Variants in RAPGEF4 observed in about 807,000 individuals in gnomAD.
The protein encoded by RAPGEF4 is RAP guanine-nucleotide-exchange factor (GEF) 4.
RAPGEF4 carries 66 observed loss-of-function variants against 147.9 expected under a neutral mutation model. The observed-to-expected ratio is 0.45, with a 90% confidence interval of 0.37 to 0.55. The LOEUF (loss-of-function observed/expected upper bound fraction) is 0.55. Ranked by LOEUF, RAPGEF4 falls within the 20% of genes least tolerant of loss-of-function variation. RAPGEF4 has a pLI of 0.00. For missense variants in RAPGEF4, 1,071 were observed against 1,257.3 expected, an observed-to-expected ratio of 0.85 and a Z score of 2.24; for synonymous variants, 419 against 442.7, an observed-to-expected ratio of 0.95 and a Z score of 0.67.
intron 25 of RAPGEF4, among the ~76,000 whole-genome samples, chr2:173,028,834 A>T (rs1422530115): frequency 6.6e-6 from 1 of 152,226 alleles, no homozygotes; most frequent in Non-Finnish European, 1.5e-5. Context: ...ATTTGTTTTA[A>T]GCTCTTTGCC....
At chr2:172,992,805 G>A (rs1292667448) in intron 15 of RAPGEF4, among the ~76,000 whole-genome samples, 1 of 152,152 alleles carries the variant, frequency 6.6e-6, no homozygotes, top group Non-Finnish European at 1.5e-5. Flanking sequence ...AGAAATATCA[G>A]TGAGTACAAA....
At chr2:172,986,698 C>CT (rs72252062) in intron 12 of RAPGEF4, among the ~76,000 whole-genome samples, 11,201 of 100,302 alleles carry the variant, frequency 0.11, 796 homozygotes, top group East Asian at 0.46. Flanking sequence ...TTCATATTTT[C>CT]TTTTTTTTTT....
At chr2:172,978,810 A>AGTT (rs1307612863) in intron 10 of RAPGEF4, among the ~76,000 whole-genome samples, 1 of 152,198 alleles carries the variant, frequency 6.6e-6, no homozygotes, top group Non-Finnish European at 1.5e-5. Context: ...GTCTGCTGAT[A>AGTT]GTTCATCGTT....
rs752194000 is a variant in RAPGEF4 at position 172,965,691 on chromosome 2, G to A, written c.820+8G>A. ...ATGGTGTTCTCAACCACGGTAAGAT[G>A]AGCCCCAGTCCCTGGAAACCTCTCA... On this transcript the variant is annotated splice_region_variant and intron_variant, in intron 9 of 30. Transcript: ENST00000397081. 5 of 1,614,152 alleles carry A rather than the reference G, an allele frequency of 3.1e-6. No homozygotes were observed. The highest frequency in any genetic ancestry group is 2.2e-5 in the South Asian group (2 of 91,076).
At chr2:172,887,420 G>T (rs1465985585) in intron 4 of RAPGEF4, among the ~76,000 whole-genome samples, 1 of 152,112 alleles carries the variant, frequency 6.6e-6, no homozygotes, top group Non-Finnish European at 1.5e-5. Context: ...TCTCTAATCT[G>T]ATTTCCAAGG....
chr2:172,745,113 A>G (rs1444886413), intron 1 of RAPGEF4, among the ~76,000 whole-genome samples: 1 of 152,150 alleles, frequency 6.6e-6, no homozygotes, highest in Non-Finnish European at 1.5e-5. Context: ...CAAGTGAATT[A>G]AGAAACATTT....
intron 6 of RAPGEF4, among the ~76,000 whole-genome samples, chr2:172,924,667 A>G (rs1271608531): frequency 6.6e-6 from 1 of 152,252 alleles, no homozygotes; most frequent in Non-Finnish European, 1.5e-5. Context: ...CTAGAAAGAT[A>G]AAAAGAAGCT....
chr2:172,905,889 C>T (rs1376227641), intron 4 of RAPGEF4, among the ~76,000 whole-genome samples: 1 of 152,246 alleles, frequency 6.6e-6, no homozygotes, highest in Non-Finnish European at 1.5e-5. Flanking sequence ...AACAGAATAA[C>T]TTGCCTTAAG....
chr2:172,773,886 T>C (rs1404746185), intron 1 of RAPGEF4, among the ~76,000 whole-genome samples: 28 of 152,198 alleles, frequency 1.8e-4, no homozygotes, highest in Non-Finnish European at 4.4e-5. Context: ...GAATTGGCTC[T>C]GAATCCCTGG....
chr2:172,769,564 G>T (rs920954002), intron 1 of RAPGEF4, among the ~76,000 whole-genome samples: 1 of 152,090 alleles, frequency 6.6e-6, no homozygotes, highest in Non-Finnish European at 1.5e-5. Flanking sequence ...AAGTAGATAG[G>T]GGGAGTTCAG....
At chr2:172,922,036 T>C (rs1051654342) in intron 5 of RAPGEF4, among the ~76,000 whole-genome samples, 1 of 152,250 alleles carries the variant, frequency 6.6e-6, no homozygotes, top group Non-Finnish European at 1.5e-5. Context: ...GTAAACCATA[T>C]GGTAGACGCA....
intron 3 of RAPGEF4, among the ~76,000 whole-genome samples, chr2:172,804,691 C>T (rs1687307342): frequency 6.6e-6 from 1 of 152,218 alleles, no homozygotes; most frequent in African/African-American, 2.4e-5. Flanking sequence ...AGGGCACCTG[C>T]TCACAAGCTC....
chr2:172,758,724 C>T (rs1270470933), intron 1 of RAPGEF4, among the ~76,000 whole-genome samples: 2 of 147,818 alleles, frequency 1.4e-5, no homozygotes, highest in African/African-American at 2.7e-5. Context: ...TCTGTTATGA[C>T]GCGGAAGGCT....
intron 9 of RAPGEF4, 47 bp downstream of exon 9, chr2:172,965,730 G>A (rs768995483): frequency 1.2e-6 from 2 of 1,612,064 alleles, no homozygotes; most frequent in South Asian, 1.1e-5. Context: ...AATGCTAAGT[G>A]CATTTCCCTG....
chr2:172,896,303 T>C lies in RAPGEF4; in HGVS notation c.445-21499T>C, dbSNP rs537180051. Among the ~76,000 whole-genome samples, 25 of 152,346 alleles carry C rather than the reference T, an allele frequency of 1.6e-4. No individual in the cohort carries two copies. The South Asian group carries it at 5.0e-3, about 30-fold the overall frequency. ...AAGATTTATTTTAATCGGCTTTTTA[T>C]CCTCTGTTGAGATAAGATAATTTTC... is the stretch of plus-strand genomic sequence containing the variant. On this transcript the variant is annotated intron_variant, in intron 4 of 30. Coordinates refer to ENST00000397081, the MANE Select transcript of RAPGEF4 (RefSeq NM_007023.4).
intron 4 of RAPGEF4, among the ~76,000 whole-genome samples, chr2:172,819,712 G>A (rs1024167391): frequency 5.9e-5 from 9 of 152,034 alleles, no homozygotes; most frequent in African/African-American, 9.6e-5. Context: ...TGATCCGCCC[G>A]CCTCGGCCTC....
chr2:172,885,098 C>G (rs987258704), intron 4 of RAPGEF4, among the ~76,000 whole-genome samples: 1 of 152,238 alleles, frequency 6.6e-6, no homozygotes, highest in Admixed American at 6.5e-5. Context: ...CACAGCCCAA[C>G]AAGCCAGCAC....
rs915887002 is a variant in RAPGEF4, at chr2:173,009,471, A to T, written c.1659-4993A>T. On this transcript the variant is annotated intron_variant, in intron 17 of 30. Coordinates refer to ENST00000397081, the MANE Select transcript of RAPGEF4 (RefSeq NM_007023.4). ...GATTTAATGCTTCCAGATGGTGAGA[A>T]ATACTTTATTACAGTTTAAGTATTC... Among the ~76,000 whole-genome samples, 3 of 152,240 alleles carry T rather than the reference A, an allele frequency of 2.0e-5. No individual in the cohort carries two copies. The East Asian group carries it at 5.8e-4, about 29-fold the overall frequency.
intron 3 of RAPGEF4, among the ~76,000 whole-genome samples, chr2:172,802,509 C>T (rs970275807): frequency 6.6e-6 from 1 of 152,172 alleles, no homozygotes; most frequent in Non-Finnish European, 1.5e-5. Context: ...AATTCAATTA[C>T]CTTCCACCAG....
Sources: allele counts gnomAD v4.1 joint callset (sites outside exome capture counted in the v4.1 genomes callset), GRCh38; gene constraint gnomAD v4.1.1; transcripts MANE v1.5; gene names NCBI Gene and HGNC (gene_info 2026-07-23, HGNC 2026-07-21).